Variants in ASCC1 observed in about 807,000 individuals in gnomAD.
ASCC1 encodes ASC-1 complex subunit P50.
In ASCC1, 35 loss-of-function variants were observed where a neutral mutation model predicts 46.6. That is an observed-to-expected ratio of 0.75 (90% CI 0.57 to 0.99). ASCC1 has a LOEUF of 0.99. Ranked by LOEUF, ASCC1 falls within the 50% of genes least tolerant of loss-of-function variation. The probability of loss-of-function intolerance (pLI) is 0.00; values close to 1 mark genes in which losing one functional copy is unlikely to be tolerated. For synonymous variants in ASCC1, 143 were observed against 146.6 expected, an observed-to-expected ratio of 0.98 and a Z score of 0.18; for missense variants, 376 against 428.7, an observed-to-expected ratio of 0.88 and a Z score of 1.09.
intron 9 of ASCC1, among the ~76,000 whole-genome samples, chr10:72,108,135 G>A (rs1162981307): frequency 6.9e-6 from 1 of 145,682 alleles, no homozygotes; most frequent in Admixed American, 6.9e-5. Flanking sequence ...GGAGTGCAGT[G>A]GCGTGATCAC....
chr10:72,161,689 A>G lies in ASCC1; in HGVS notation c.490-15T>C. On this transcript the variant is annotated splice_polypyrimidine_tract_variant and intron_variant, in intron 5 of 9. Transcript: ENST00000672957. ...ACCCCATGATCCTGTTATCAAAGAGAGAAAAACAAGAAACTCAGCCCATAC... is the reference window on the plus strand; with the variant it reads ...ACCCCATGATCCTGTTATCAAAGAGGGAAAAACAAGAAACTCAGCCCATAC... 6.2e-7 allele frequency: 1 copy of G among 1,614,102 alleles called. No homozygotes were observed. The highest frequency in any genetic ancestry group is 8.5e-7 in the Non-Finnish European group (1 of 1,180,024).
At chr10:72,175,007 CGTT>C (rs1317947502) in intron 5 of ASCC1, among the ~76,000 whole-genome samples, 2 of 152,204 alleles carry the variant, frequency 1.3e-5, no homozygotes, top group African/African-American at 2.4e-5. Flanking sequence ...CCCCTATACT[CGTT>C]GTATTTTCTT....
At chr10:72,103,053 C>A in intron 9 of ASCC1, 1 of 397,358 alleles carries the variant, frequency 2.5e-6, no homozygotes, top group Non-Finnish European at 4.9e-6. Context: ...ATGACAACAG[C>A]CAACATTTAT....
At chr10:72,209,952 T>C (rs7083000) in intron 3 of ASCC1, among the ~76,000 whole-genome samples, 9,550 of 152,076 alleles carry the variant, frequency 0.063, 1,005 homozygotes, top group African/African-American at 0.22. Context: ...CACCATCTCC[T>C]TGGCGATGAG....
In ASCC1 at chr10:72,176,933, C is replaced by T. The variant is rs1851928587; in HGVS notation, c.490-15259G>A. On this transcript the variant is annotated intron_variant, in intron 5 of 9. Coordinates refer to ENST00000672957, the MANE Select transcript of ASCC1 (RefSeq NM_001198800.3). The stretch of plus-strand genomic sequence containing the variant: ...AGCTCCCTTATCAAGCCTTCTGCAA[C>T]CACTACAGAATTTCTCCTCTGGGTA... Among the ~76,000 whole-genome samples the T allele has an allele frequency of 3.9e-5, 6 of 151,976 alleles. No individual in the cohort carries two copies. In the South Asian group the frequency reaches 1.2e-3, roughly 32 times the overall value.
At chr10:72,177,595 G>C (rs1852014724) in intron 5 of ASCC1, among the ~76,000 whole-genome samples, 1 of 152,192 alleles carries the variant, frequency 6.6e-6, no homozygotes, top group Non-Finnish European at 1.5e-5. Flanking sequence ...TGTTGCTTCA[G>C]ATGGATCTAT....
At chr10:72,137,888 G>A (rs1467453597) in intron 7 of ASCC1, among the ~76,000 whole-genome samples, 1 of 151,318 alleles carries the variant, frequency 6.6e-6, no homozygotes, top group Non-Finnish European at 1.5e-5. Context: ...TTCAGAGACA[G>A]GGTCTCACTC....
At chr10:72,188,281 G>C (rs1853816225) in intron 5 of ASCC1, among the ~76,000 whole-genome samples, 1 of 151,646 alleles carries the variant, frequency 6.6e-6, no homozygotes, top group South Asian at 2.1e-4. Flanking sequence ...ACCACGCCCA[G>C]CTAATTTTTG....
At chr10:72,197,113 G>C in intron 4 of ASCC1, 124 bp from the exon 5 acceptor site, 1 of 833,646 alleles carries the variant, frequency 1.2e-6, no homozygotes. Context: ...AATCTAAACA[G>C]GGGACAATAA....
chr10:72,173,017 T>A (rs577333341), intron 5 of ASCC1, among the ~76,000 whole-genome samples: 33 of 140,826 alleles, frequency 2.3e-4, no homozygotes, highest in African/African-American at 8.0e-4. Context: ...TATATTTTTT[T>A]ATATATAAAA....
At chr10:72,213,478 A>G in intron 1 of ASCC1, 147 bp from the exon 2 acceptor site, 1 of 615,326 alleles carries the variant, frequency 1.6e-6, no homozygotes, top group Non-Finnish European at 3.0e-6. Context: ...TGGATTTCCC[A>G]TCTGTAAACC....
intron 7 of ASCC1, among the ~76,000 whole-genome samples, chr10:72,151,617 T>C (rs1294434943): frequency 6.6e-6 from 1 of 152,170 alleles, no homozygotes; most frequent in African/African-American, 2.4e-5. Flanking sequence ...AAACATTTTT[T>C]GATGTTTCGA....
chr10:72,107,302 A>C (rs1275392088), intron 9 of ASCC1, among the ~76,000 whole-genome samples: 1 of 142,414 alleles, frequency 7.0e-6, no homozygotes, highest in Non-Finnish European at 1.5e-5. Flanking sequence ...CAAATAAGTT[A>C]CCCCCCCCCC....
intron 7 of ASCC1, among the ~76,000 whole-genome samples, chr10:72,137,196 G>T (rs1217237055): frequency 6.6e-6 from 1 of 151,822 alleles, no homozygotes; most frequent in Non-Finnish European, 1.5e-5. Context: ...GACGACAGGT[G>T]TGAGCCACCA....
intron 9 of ASCC1, among the ~76,000 whole-genome samples, chr10:72,112,854 G>C (rs574990320): frequency 7.0e-6 from 1 of 141,994 alleles, no homozygotes; most frequent in East Asian, 2.0e-4. Flanking sequence ...CCCCAGCCTG[G>C]GCAACAGAGC....
chr10:72,204,091 T>A (rs980940252), intron 3 of ASCC1, among the ~76,000 whole-genome samples: 2 of 151,942 alleles, frequency 1.3e-5, no homozygotes, highest in African/African-American at 2.4e-5. Flanking sequence ...TCTACAAAAA[T>A]ACAAAAATTA....
At chr10:72,187,972 T>C (rs181028717) in intron 5 of ASCC1, among the ~76,000 whole-genome samples, 164 of 150,984 alleles carry the variant, frequency 1.1e-3, no homozygotes, top group African/African-American at 3.7e-3. Flanking sequence ...AAAAAAAAAA[T>C]TGGTTTTACA....
At chr10:72,118,124 T>C (rs532206099) in intron 9 of ASCC1, among the ~76,000 whole-genome samples, 2 of 151,992 alleles carry the variant, frequency 1.3e-5, no homozygotes, top group Non-Finnish European at 2.9e-5. Context: ...TCCCAGCACT[T>C]TGGGAGGCTG....
At chr10:72,140,774 G>A (rs1015561213) in intron 7 of ASCC1, among the ~76,000 whole-genome samples, 1 of 152,182 alleles carries the variant, frequency 6.6e-6, no homozygotes, top group Non-Finnish European at 1.5e-5. Flanking sequence ...GTGAAAGGAA[G>A]ATGGCAAACT....
Sources: allele counts gnomAD v4.1 joint callset (sites outside exome capture counted in the v4.1 genomes callset), GRCh38; gene constraint gnomAD v4.1.1; transcripts MANE v1.5; gene names NCBI Gene and HGNC (gene_info 2026-07-23, HGNC 2026-07-21).